MARVELD2: variants seen among roughly 807,000 people sequenced by gnomAD.
MARVELD2 encodes the protein MARVEL domain-containing protein 2.
A neutral mutation model predicts 57.6 loss-of-function variants in MARVELD2; 49 were observed. The ratio of observed to expected loss-of-function variants is 0.85; its 90% confidence interval spans 0.68 to 1.08. The LOEUF is 1.08. MARVELD2 is among the 50% of genes least tolerant of loss of function. The pLI, the probability that MARVELD2 is intolerant of heterozygous loss-of-function variation, is 0.00. For synonymous variants in MARVELD2, 238 were observed against 258.8 expected, an observed-to-expected ratio of 0.92 and a Z score of 0.77; for missense variants, 606 against 701.1, an observed-to-expected ratio of 0.86 and a Z score of 1.53.
chr5:69,434,522 A>G (rs1439495419), intron 5 of MARVELD2, among the ~76,000 whole-genome samples: 2 of 151,784 alleles, frequency 1.3e-5, no homozygotes, highest in African/African-American at 4.8e-5. Flanking sequence ...CTGGACACAC[A>G]CATCAGACAG....
intron 3 of MARVELD2, among the ~76,000 whole-genome samples, chr5:69,426,176 T>C (rs1766785835): frequency 6.6e-6 from 1 of 151,846 alleles, no homozygotes; most frequent in Admixed American, 6.6e-5. Context: ...GAGATTGCAA[T>C]AATAATAATT....
chr5:69,422,374 G>T (rs1483372599), intron 2 of MARVELD2, among the ~76,000 whole-genome samples: 1 of 152,190 alleles, frequency 6.6e-6, no homozygotes, highest in African/African-American at 2.4e-5. Context: ...CTGAGAAAGA[G>T]AATGCATCCC....
At chr5:69,424,558 T>C (rs1441560958) in intron 2 of MARVELD2, 43 bp from the exon 3 acceptor site, 3 of 1,546,098 alleles carry the variant, frequency 1.9e-6, no homozygotes, top group Non-Finnish European at 2.7e-6. Context: ...GCAAAGTAGC[T>C]TCACATGCCT....
chr5:69,440,333 GT>G (rs1767290659), intron 5 of MARVELD2, 116 bp from the exon 6 acceptor site: 7 of 600,490 alleles, frequency 1.2e-5, no homozygotes, highest in African/African-American at 1.9e-5. Flanking sequence ...GTGTGTGAAT[GT>G]TTTCATTATT....
chr5:69,416,516 C>CTTG (rs1766429438), intron 1 of MARVELD2, among the ~76,000 whole-genome samples: 2 of 152,162 alleles, frequency 1.3e-5, no homozygotes, highest in Admixed American at 6.5e-5. Context: ...CAGTCTGCTG[C>CTTG]TCCCCAAGGC....
intron 5 of MARVELD2, among the ~76,000 whole-genome samples, chr5:69,439,362 T>C (rs1027552076): frequency 2.0e-5 from 3 of 151,702 alleles, no homozygotes; most frequent in African/African-American, 4.8e-5. Context: ...GGTTTCGCCA[T>C]GTTGGCCAGG....
In MARVELD2 at chr5:69,436,736, G is replaced by A. The variant is rs117731364; in HGVS notation, c.1503+3643G>A. On this transcript the variant is annotated intron_variant, in intron 5 of 6. Coordinates refer to ENST00000325631, the MANE Select transcript of MARVELD2 (RefSeq NM_001038603.3). The stretch of plus-strand genomic sequence containing the variant: ...AGGGTGACCTAGTCTCTCAGAGGCC[G>A]TCAAAGGAGTGCAGGAAGGCATGAG... Among the ~76,000 whole-genome samples the A allele has an allele frequency of 3.3e-5, 5 of 152,286 alleles. No individual in the cohort carries two copies. The East Asian group carries it at 5.8e-4, about 18-fold the overall frequency.
intron 3 of MARVELD2, among the ~76,000 whole-genome samples, chr5:69,430,507 C>T (rs1371826427): frequency 6.6e-6 from 1 of 151,590 alleles, no homozygotes; most frequent in African/African-American, 2.4e-5. Flanking sequence ...TGAGCTACTG[C>T]ACGTGGCCTA....
chr5:69,426,285 T>C (rs1225582031), intron 3 of MARVELD2, among the ~76,000 whole-genome samples: 1 of 149,524 alleles, frequency 6.7e-6, no homozygotes, highest in Non-Finnish European at 1.5e-5. Flanking sequence ...TTTACCCTCA[T>C]TGAAAATTTT....
chr5:69,424,498 A>G, intron 2 of MARVELD2, 103 bp from the exon 3 acceptor site: 1 of 933,400 alleles, frequency 1.1e-6, no homozygotes, highest in South Asian at 1.3e-5. Flanking sequence ...TAGAGGATCA[A>G]CCTCTTAAAA....
At chr5:69,439,407 C>T (rs1004541355) in intron 5 of MARVELD2, among the ~76,000 whole-genome samples, 3 of 151,758 alleles carry the variant, frequency 2.0e-5, no homozygotes, top group Non-Finnish European at 4.4e-5. Context: ...GTGATCCACC[C>T]GCCTCAGCCT....
chr5:69,420,496 G>T lies in MARVELD2; in HGVS notation c.1111G>T (p.Ala371Ser). 6.2e-7 allele frequency: 1 copy of T among 1,612,780 alleles called. No homozygotes were observed. Among genetic ancestry groups the T allele is most frequent in the African/African-American group, 1.3e-5 (1 of 75,050 alleles). ...CCTAAAGTTATGGAGGCATGAGGCA[G>T]CTCGGAGACATAGAGAATATATGGA... ...VCLKLWRHEAARRHREYMEQQ... is the reference protein window; with the variant it reads ...VCLKLWRHEASRRHREYMEQQ... Residue 371 changes from alanine (A) to serine (S), a missense_variant, in exon 2 of 7, where the codon GCT becomes TCT. Coordinates refer to ENST00000325631, the MANE Select transcript of MARVELD2 (RefSeq NM_001038603.3).
rs1392262097 is a variant in MARVELD2, at chr5:69,442,146, A to G, written c.*492A>G. 2 of 153,488 alleles carry G rather than the reference A, an allele frequency of 1.3e-5. No individual in the cohort carries two copies. The highest frequency in any genetic ancestry group is 2.9e-5 in the Non-Finnish European group (2 of 69,020). The allele number at this position is 153,488 out of a possible 1,614,324, so 9.5% of individuals were successfully genotyped here. The stretch of plus-strand genomic sequence containing the variant: ...TCTGTGACCAATTTCATATTCATCT[A>G]TCTCATTTAAATGTGTCATCATTTT... On this transcript the variant is annotated 3_prime_UTR_variant, in exon 7 of 7. Coordinates refer to ENST00000325631, the MANE Select transcript of MARVELD2 (RefSeq NM_001038603.3).
intron 6 of MARVELD2, 138 bp from the exon 7 acceptor site, chr5:69,441,394 C>G (rs184475270): frequency 1.4e-5 from 13 of 959,030 alleles, no homozygotes; most frequent in Non-Finnish European, 2.0e-5. Context: ...ATGTAGAGAG[C>G]TTAACTGTTA....
intron 1 of MARVELD2, among the ~76,000 whole-genome samples, chr5:69,417,606 C>T (rs1474890026): frequency 2.0e-5 from 3 of 151,954 alleles, no homozygotes; most frequent in Non-Finnish European, 4.4e-5. Flanking sequence ...GAGTTCAAGA[C>T]CAGCCTAGGC....
rs1248122764 is a variant in MARVELD2 at position 69,437,399 on chromosome 5, A to G, written c.1504-3051A>G. 3.2e-4 allele frequency among the ~76,000 whole-genome samples: 47 copies of G among 148,400 alleles called. 2 individuals are homozygous for G. In the South Asian group the frequency reaches 1.0e-2, roughly 32 times the overall value. ...TCTGTCTTAAAAAAAAAAAAAAAAA[A>G]AAAAGCTGGGTGCGGTGGCTCACAC... On this transcript the variant is annotated intron_variant, in intron 5 of 6. Coordinates refer to ENST00000325631, the MANE Select transcript of MARVELD2 (RefSeq NM_001038603.3).
intron 3 of MARVELD2, among the ~76,000 whole-genome samples, chr5:69,429,431 T>G (rs1766890851): frequency 2.0e-5 from 3 of 152,042 alleles, no homozygotes; most frequent in African/African-American, 7.2e-5. Flanking sequence ...GTAGGGGCCC[T>G]CCCAAGCCAC....
chr5:69,422,603 A>T (rs1453720008), intron 2 of MARVELD2, among the ~76,000 whole-genome samples: 1 of 152,156 alleles, frequency 6.6e-6, no homozygotes, highest in African/African-American at 2.4e-5. Flanking sequence ...CTTCATTAGC[A>T]ATTTTAATTT....
At chr5:69,418,568 T>C (rs1336153702) in intron 1 of MARVELD2, among the ~76,000 whole-genome samples, 1 of 152,222 alleles carries the variant, frequency 6.6e-6, no homozygotes, top group Non-Finnish European at 1.5e-5. Flanking sequence ...TTGGTGATGT[T>C]GTCTCTGAGA....
Sources: allele counts gnomAD v4.1 joint callset (sites outside exome capture counted in the v4.1 genomes callset), GRCh38; gene constraint gnomAD v4.1.1; transcripts MANE v1.5; gene names NCBI Gene and HGNC (gene_info 2026-07-23, HGNC 2026-07-21).